GLI3: variants seen among roughly 807,000 people sequenced by gnomAD.
GLI3 encodes GLI family zinc finger 3.
In GLI3, 20 loss-of-function variants were observed where a neutral mutation model predicts 100.8. The observed-to-expected ratio is 0.20, with a 90% CI of 0.14 to 0.29. The LOEUF is 0.29. Ranked by LOEUF, GLI3 falls within the 10% of genes least tolerant of loss-of-function variation. The pLI, the probability that GLI3 is intolerant of heterozygous loss-of-function variation, is 1.00. For missense variants in GLI3, 2,040 were observed against 2,128.5 expected, an observed-to-expected ratio of 0.96 and a Z score of 0.82; for synonymous variants, 938 against 860.5, an observed-to-expected ratio of 1.09 and a Z score of -1.58.
chr7:41,982,107 T>G (rs2128714166), intron 10 of GLI3, among the ~76,000 whole-genome samples: 1 of 152,326 alleles, frequency 6.6e-6, no homozygotes, highest in South Asian at 2.1e-4. Flanking sequence ...AACTAATATA[T>G]TTTTGCAATT....
At chr7:42,079,309 A>G (rs184072887) in intron 3 of GLI3, among the ~76,000 whole-genome samples, 1 of 152,278 alleles carries the variant, frequency 6.6e-6, no homozygotes, top group Admixed American at 6.5e-5. Context: ...GAAATTATGC[A>G]CCCTTCTTAA....
At chr7:42,118,296 T>C (rs1785910621) in intron 3 of GLI3, 1 of 398,594 alleles carries the variant, frequency 2.5e-6, no homozygotes, top group Non-Finnish European at 4.4e-6. Flanking sequence ...ACTAAGCAGT[T>C]TTTATTTCCT....
intron 2 of GLI3, among the ~76,000 whole-genome samples, chr7:42,164,213 G>A (rs1252008970): frequency 1.3e-5 from 2 of 152,168 alleles, no homozygotes; most frequent in Admixed American, 6.5e-5. Flanking sequence ...ATATTCCCGT[G>A]TTGAAATCTG....
chr7:42,160,256 G>A (rs1787100518), intron 2 of GLI3, among the ~76,000 whole-genome samples: 1 of 152,212 alleles, frequency 6.6e-6, no homozygotes, highest in African/African-American at 2.4e-5. Flanking sequence ...ATTGAGCCCT[G>A]GGCCAGGCAT....
chr7:42,249,844 C>T (rs1789013568), intron 1 of GLI3, among the ~76,000 whole-genome samples: 2 of 152,058 alleles, frequency 1.3e-5, no homozygotes, highest in Non-Finnish European at 2.9e-5. Context: ...CCTGTAATCC[C>T]AGCACTTTGG....
rs1283404787 is a variant in GLI3 at position 42,009,482 on chromosome 7, T to C, written c.1497+13986A>G. Among the ~76,000 whole-genome samples, 11 of 23,680 alleles carry C rather than the reference T, an allele frequency of 4.6e-4. No homozygotes were observed. The East Asian group carries it at 0.01, about 22-fold the overall frequency. The allele number at this position is 23,680 out of a possible 152,430, so 15.5% of individuals were successfully genotyped here. ...TCTATCTCCCCCAGCAAATTGTTCT[T>C]TTTTTTTTTTTTTTTTTTGTAATTG... is the stretch of plus-strand genomic sequence containing the variant. On this transcript the variant is annotated intron_variant, in intron 10 of 14. Transcript: ENST00000395925.
At chr7:42,197,109 C>T (rs1787941956) in intron 2 of GLI3, among the ~76,000 whole-genome samples, 1 of 152,212 alleles carries the variant, frequency 6.6e-6, no homozygotes, top group Non-Finnish European at 1.5e-5. Context: ...GAACTCACAT[C>T]CGAGTCTGGC....
rs1224916654 is a variant in GLI3, at chr7:41,965,349, T to A, written c.3724A>T (p.Asn1242Tyr). Residue 1242 changes from asparagine (N) to tyrosine (Y), a missense_variant, in exon 15 of 15, where the codon AAC becomes TAC. Asn to Tyr is a moderately radical substitution (Grantham distance 143). Transcript: ENST00000395925. Reference sequence around the variant, plus strand: ...TTACAGGGCTGTTCATGGAAGGCGTTTCCACTGGTGCCACTTCCGGGGCTG... The same window carrying A: ...TTACAGGGCTGTTCATGGAAGGCGTATCCACTGGTGCCACTTCCGGGGCTG... ...HNSPGSGTSG[N>Y]AFHEQPCKAP... 1 of 1,613,688 alleles carries A rather than the reference T, an allele frequency of 6.2e-7. No individual in the cohort carries two copies. Among genetic ancestry groups the A allele is most frequent in the Admixed American group, 1.7e-5 (1 of 60,004 alleles).
chr7:42,066,071 T>C (rs913228047), intron 4 of GLI3, among the ~76,000 whole-genome samples: 4 of 152,184 alleles, frequency 2.6e-5, no homozygotes, highest in African/African-American at 9.7e-5. Flanking sequence ...AGGAGACTTG[T>C]GGCTCGGAGG....
rs1787569669 is a variant in GLI3, at chr7:41,978,526, G to A, written c.1647+73C>T. ...CCAACCACGCTTCCCCTGAGCTGGT[G>A]TCATCAGTTTGCACAGCTCTTATGA... On this transcript the variant is annotated intron_variant, in intron 11 of 14. Coordinates refer to ENST00000395925, the MANE Select transcript of GLI3 (RefSeq NM_000168.6). 2.1e-6 allele frequency: 3 copies of A among 1,408,190 alleles called. No homozygotes were observed. In the South Asian group the frequency reaches 3.5e-5, roughly 16 times the overall value. The allele number at this position is 1,408,190 out of a possible 1,614,324, so 87.2% of individuals were successfully genotyped here. A position where few individuals can be genotyped will look rare whatever the true frequency, so the allele number is the denominator to read the frequency against.
chr7:42,212,876 C>A (rs550942745), intron 2 of GLI3, among the ~76,000 whole-genome samples: 1 of 152,216 alleles, frequency 6.6e-6, no homozygotes, highest in Admixed American at 6.5e-5. Context: ...GAACAGAGAG[C>A]GCATTCCAGA....
intron 2 of GLI3, among the ~76,000 whole-genome samples, chr7:42,213,294 A>G (rs1385657189): frequency 6.6e-6 from 1 of 152,196 alleles, no homozygotes; most frequent in African/African-American, 2.4e-5. Flanking sequence ...TGACCACTAC[A>G]ATTTCAAAAT....
At position 42,025,321 on chromosome 7, in the gene GLI3, C is replaced by T; in HGVS notation, c.1299G>A (p.Lys433=). 1.2e-6 allele frequency: 2 copies of T among 1,614,146 alleles called. No individual in the cohort carries two copies. The highest frequency in any genetic ancestry group is 1.7e-6 in the Non-Finnish European group (2 of 1,180,016). The part of the protein sequence containing the change: ...VSSTGDPMHN[K]RSKIKPDEDL... ...CTTCATCGGGTTTGATCTTGGACCT[C>T]TTGTTGTGCATCGGGTCACCAGTGC... Residue 433 remains lysine (K), a synonymous_variant, in exon 9 of 15, where the codon AAG becomes AAA. Transcript: ENST00000395925.
intron 7 of GLI3, among the ~76,000 whole-genome samples, chr7:42,030,187 G>GCCT (rs796296968): frequency 2.0e-5 from 3 of 151,694 alleles, no homozygotes; most frequent in Admixed American, 1.3e-4. Flanking sequence ...CATCACTCAG[G>GCCT]CCTCCTCCTC....
chr7:42,131,693 A>G (rs897507876), intron 3 of GLI3, among the ~76,000 whole-genome samples: 12 of 152,236 alleles, frequency 7.9e-5, no homozygotes, highest in Admixed American at 5.2e-4. Flanking sequence ...CCAGAAGATG[A>G]GATGTGGATG....
At position 41,977,604 on chromosome 7, in the gene GLI3, T is replaced by C. The variant is rs1419735509; in HGVS notation, c.1766A>G (p.Asn589Ser). Residue 589 changes from asparagine to serine, a missense_variant, in exon 12 of 15, where the codon AAT (asparagine) becomes AGT (serine). Asn to Ser is a conservative substitution (Grantham distance 46). Around this residue, in one of 5 missense-constraint regions of GLI3, gnomAD observed 61 missense variants for 150.9 expected, o/e 0.40. Coordinates refer to ENST00000395925, the MANE Select transcript of GLI3 (RefSeq NM_000168.6). ...TTGGTGTTTGGCGCGATCAGAGGCA[T>C]TTGAGAAAGCCTTGTTGCAACCTTC... ...EHEGCNKAFS[N>S]ASDRAKHQNR... 1 of 1,614,218 alleles carries C rather than the reference T, an allele frequency of 6.2e-7. No homozygotes were observed. Among genetic ancestry groups the C allele is most frequent in the South Asian group, 1.1e-5 (1 of 91,084 alleles).
At chr7:42,177,804 CCTCGACGGG>C (rs1787510664) in intron 2 of GLI3, among the ~76,000 whole-genome samples, 1 of 152,230 alleles carries the variant, frequency 6.6e-6, no homozygotes, top group African/African-American at 2.4e-5. Context: ...CACCCTGTCT[CCTCGACGGG>C]CTCGTCCAGT....
At chr7:41,994,357 A>C (rs1788069290) in intron 10 of GLI3, among the ~76,000 whole-genome samples, 1 of 152,346 alleles carries the variant, frequency 6.6e-6, no homozygotes, top group East Asian at 1.9e-4. Context: ...AATCTCATTC[A>C]CGGAATAGAA....
intron 6 of GLI3, among the ~76,000 whole-genome samples, chr7:42,040,975 A>G (rs1185710812): frequency 6.6e-6 from 1 of 152,212 alleles, no homozygotes; most frequent in Non-Finnish European, 1.5e-5. Context: ...ATAAAGAATT[A>G]TCTGGCCCAA....
Sources: gnomAD v4.1 joint callset for allele counts (sites outside exome capture counted in the v4.1 genomes callset) on GRCh38, gnomAD v4.1.1 for gene constraint, gnomAD v4.1.1 regional missense constraint, MANE v1.5 for transcripts, NCBI Gene and HGNC (gene_info 2026-07-23, HGNC 2026-07-21) for gene names.